The following ADCY5 variants were observed in gnomAD, a reference collection of about 807,000 sequenced individuals.
The protein encoded by ADCY5 is adenylate cyclase 5.
ADCY5 carries 30 observed loss-of-function variants against 119.7 expected under a neutral mutation model. The observed-to-expected ratio is 0.25, with a 90% CI of 0.19 to 0.34. The LOEUF is 0.34. ADCY5 is among the 10% of genes least tolerant of loss of function. The pLI is 1.00. For missense variants in ADCY5, 1,324 were observed against 1,775.2 expected, an observed-to-expected ratio of 0.75 and a Z score of 4.57; for synonymous variants, 753 against 762.2, an observed-to-expected ratio of 0.99 and a Z score of 0.20.
intron 1 of ADCY5, among the ~76,000 whole-genome samples, chr3:123,376,427 T>C (rs74358135): frequency 6.6e-6 from 1 of 151,692 alleles, no homozygotes; most frequent in Non-Finnish European, 1.5e-5. Context: ...CAAAATTTCT[T>C]CAAGGAGGAG....
At chr3:123,438,289 T>G (rs1277540220) in intron 1 of ADCY5, among the ~76,000 whole-genome samples, 2 of 152,168 alleles carry the variant, frequency 1.3e-5, no homozygotes, top group East Asian at 3.8e-4. Flanking sequence ...CATTACATAT[T>G]AAAAGCTTTA....
At chr3:123,447,322 GA>G (rs1945836711) in intron 1 of ADCY5, 89 bp downstream of exon 1, 1 of 1,339,384 alleles carries the variant, frequency 7.5e-7, no homozygotes, top group African/African-American at 1.5e-5. Flanking sequence ...TTCACCATTC[GA>G]AAGGGTGAGG....
chr3:123,299,995 CT>C, intron 15 of ADCY5, 124 bp downstream of exon 15: 1 of 1,070,516 alleles, frequency 9.3e-7, no homozygotes, highest in South Asian at 1.6e-5. Flanking sequence ...GATGTCAGGG[CT>C]GGGGAGGAAC....
intron 1 of ADCY5, among the ~76,000 whole-genome samples, chr3:123,395,819 G>T (rs2107595048): frequency 6.6e-6 from 1 of 151,298 alleles, no homozygotes; most frequent in South Asian, 2.1e-4. Context: ...GGAAGTCGAG[G>T]TTGCAGTGAG....
At chr3:123,342,239 G>A (rs147156967) in intron 3 of ADCY5, among the ~76,000 whole-genome samples, 1 of 152,316 alleles carries the variant, frequency 6.6e-6, no homozygotes, top group East Asian at 1.9e-4. Context: ...CCGCCCACAG[G>A]TATCTGAGTA....
chr3:123,416,056 A>G, intron 1 of ADCY5: 1 of 1,020,630 alleles, frequency 9.8e-7, no homozygotes, highest in Non-Finnish European at 1.4e-6. Flanking sequence ...TAAAGTTCCC[A>G]CCTAGGGTCA....
rs571827323 is a variant in ADCY5, at chr3:123,361,121, T to C, written c.1135-8540A>G. Among the ~76,000 whole-genome samples the C allele has an allele frequency of 1.6e-3, 251 of 152,316 alleles. 1 individual carries two copies. The highest frequency in any genetic ancestry group is 5.7e-3 in the African/African-American group (236 of 41,572). ...GACACTCAACTTTCTCTCACCCTTG[T>C]CCCAGGCGCCCTAGGCCTTCTTCAT... On this transcript the variant is annotated intron_variant, in intron 1 of 20. Transcript: ENST00000462833.
intron 1 of ADCY5, among the ~76,000 whole-genome samples, chr3:123,393,632 CG>C (rs1366446542): frequency 6.7e-6 from 1 of 148,638 alleles, no homozygotes; most frequent in African/African-American, 2.5e-5. Flanking sequence ...GCGTCACATG[CG>C]AAAGAGATAA....
At chr3:123,304,710 T>G (rs1940103834) in intron 12 of ADCY5, among the ~76,000 whole-genome samples, 1 of 151,936 alleles carries the variant, frequency 6.6e-6, no homozygotes, top group Admixed American at 6.6e-5. Context: ...GAGCACTGAG[T>G]GAGCTCTATC....
chr3:123,289,862 G>C lies in ADCY5; in HGVS notation c.3420C>G (p.Tyr1140Ter). Residue 1140 changes from tyrosine to a stop codon, truncating the protein, a stop_gained, in exon 19 of 21, where the codon TAC (tyrosine) becomes TAG (stop). Coordinates refer to ENST00000462833, the MANE Select transcript of ADCY5 (RefSeq NM_183357.3). LOFTEE classifies it high-confidence loss of function. ...TGATGTGGGTCTTGCCCACCTTGTC[G>C]TAGGTAGAGTCGTTGAGGCCGGAGG... ...MAASGLNDST[Y>*]DKVGKTHIKA... The C allele has an allele frequency of 6.2e-7, 1 of 1,614,232 alleles. No homozygotes were observed. The highest frequency in any genetic ancestry group is 8.5e-7 in the Non-Finnish European group (1 of 1,180,042).
chr3:123,307,908 G>A (rs983921347), intron 12 of ADCY5, among the ~76,000 whole-genome samples: 8 of 150,840 alleles, frequency 5.3e-5, no homozygotes, highest in African/African-American at 2.0e-4. Context: ...AAGAACTGCA[G>A]GCTTAAAAAA....
intron 1 of ADCY5, among the ~76,000 whole-genome samples, chr3:123,412,660 T>C (rs377352932): frequency 6.6e-5 from 10 of 152,248 alleles, no homozygotes; most frequent in East Asian, 3.9e-4. Flanking sequence ...TGAGCACCCA[T>C]TGAGGGTCAT....
Position 123,303,207 on chromosome 3 carries a change from A to G in ADCY5, c.2572T>C (p.Ser858Pro). Residue 858 changes from serine (S) to proline (P), a missense_variant, in exon 14 of 21, where the codon TCC (serine) becomes CCC (proline). Coordinates refer to ENST00000462833, the MANE Select transcript of ADCY5 (RefSeq NM_183357.3). ...AAFVNMFTCN[S>P]RDLLGCLAQE... ...GCCAAGCAGCCCAGCAGGTCCCTGGAGTTGCACGTGAACTGGGGGGAGGAA... is the reference window on the plus strand; with the variant it reads ...GCCAAGCAGCCCAGCAGGTCCCTGGGGTTGCACGTGAACTGGGGGGAGGAA... The G allele has an allele frequency of 6.2e-7, 1 of 1,613,052 alleles. No homozygotes were observed. The highest frequency in any genetic ancestry group is 8.5e-7 in the Non-Finnish European group (1 of 1,179,490).
intron 1 of ADCY5, among the ~76,000 whole-genome samples, chr3:123,405,836 T>C (rs1280061423): frequency 1.3e-5 from 2 of 152,246 alleles, no homozygotes; most frequent in African/African-American, 4.8e-5. Flanking sequence ...GGTTTCACGA[T>C]GTTGGCCAGG....
chr3:123,302,829 C>A (rs1939922271), intron 14 of ADCY5, among the ~76,000 whole-genome samples: 1 of 152,188 alleles, frequency 6.6e-6, no homozygotes, highest in Non-Finnish European at 1.5e-5. Flanking sequence ...ACTATAGAAA[C>A]AACAGCTACA....
At position 123,345,769 on chromosome 3, in the gene ADCY5, G is replaced by GACACACAGACACACAGACACACACACAC. The variant is rs1553731376; in HGVS notation, c.1406+2012_1406+2013insGTGTGTGTGTGTCTGTGTGTCTGTGTGT. On this transcript the variant is annotated intron_variant, in intron 3 of 20. Coordinates refer to ENST00000462833, the MANE Select transcript of ADCY5 (RefSeq NM_183357.3). ...AGACAGACAGACAGACAGACAGACA[G>GACACACAGACACACAGACACACACACAC]ACACACACACACACACACACACACA... Among the ~76,000 whole-genome samples the GACACACAGACACACAGACACACACACAC allele has an allele frequency of 7.3e-3, 832 of 113,712 alleles. 36 individuals are homozygous for GACACACAGACACACAGACACACACACAC. The highest frequency in any genetic ancestry group is 0.031 in the African/African-American group (776 of 25,268). 74.6% of individuals were successfully genotyped at this position (113,712 alleles called of 152,430 possible).
Position 123,330,876 on chromosome 3 carries a change from G to C in ADCY5, c.1646+13C>G. On this transcript the variant is annotated intron_variant, in intron 5 of 20. Coordinates refer to ENST00000462833, the MANE Select transcript of ADCY5 (RefSeq NM_183357.3). ...CCAGGGAGGGAGACGGTACCCGGGG[G>C]GTGGACACTTACGAGATGGCCTCGA... 6.2e-7 allele frequency: 1 copy of C among 1,605,040 alleles called. No homozygotes were observed. The highest frequency in any genetic ancestry group is 1.1e-5 in the South Asian group (1 of 90,020).
chr3:123,363,655 T>A (rs1943335361), intron 1 of ADCY5, among the ~76,000 whole-genome samples: 1 of 152,210 alleles, frequency 6.6e-6, no homozygotes, highest in Non-Finnish European at 1.5e-5. Context: ...ACACCTGTAA[T>A]CCCATCACTT....
Position 123,321,813 on chromosome 3 carries a change from T to C in ADCY5, c.2089-1042A>G, listed in dbSNP as rs115349456. Among the ~76,000 whole-genome samples, 501 of 152,300 alleles carry C rather than the reference T, an allele frequency of 3.3e-3. 2 individuals carry two copies. The highest frequency in any genetic ancestry group is 0.012 in the African/African-American group (487 of 41,584). On this transcript the variant is annotated intron_variant, in intron 8 of 20. Transcript: ENST00000462833. ...GGGCCACCAGGCACTAAAATAGACA[T>C]GGGGCCCTGGTGGTACAGAGGCTCT...
Sources: allele counts gnomAD v4.1 joint callset (sites outside exome capture counted in the v4.1 genomes callset), GRCh38; gene constraint gnomAD v4.1.1; transcripts MANE v1.5; gene names NCBI Gene and HGNC (gene_info 2026-07-23, HGNC 2026-07-21).